The following AMDHD2 variants were observed in gnomAD, a reference collection of about 807,000 sequenced individuals.
AMDHD2 encodes the protein amidohydrolase domain containing 2.
AMDHD2 carries 24 observed loss-of-function variants against 41.8 expected under a neutral mutation model. The observed-to-expected ratio is 0.57, with a 90% confidence interval of 0.42 to 0.81. The LOEUF (loss-of-function observed/expected upper bound fraction) is 0.81, where lower values mean the gene tolerates loss of function less well. Ranked by LOEUF, AMDHD2 falls within the 30% of genes least tolerant of loss-of-function variation. The probability of loss-of-function intolerance (pLI) is 0.00; values close to 1 mark genes in which losing one functional copy is unlikely to be tolerated. For missense variants in AMDHD2, 540 were observed against 588.5 expected (o/e 0.92, Z 0.85); for synonymous variants, 332 against 255.5 (o/e 1.30, Z -2.85).
Position 2,521,084 on chromosome 16 carries a change from C to T in AMDHD2, c.321C>T (p.Cys107=), listed in dbSNP as rs776242266. The T allele has an allele frequency of 1.7e-5, 27 of 1,608,872 alleles. No homozygotes were observed. The highest frequency in any genetic ancestry group is 2.1e-5 in the Non-Finnish European group (25 of 1,176,894). ...RILSHGVTSF[C]PTLVTSPPEV... ...TGTCGCACGGCGTCACCTCCTTCTG[C>T]CCCACCCTGGTCACTTCCCCACCGG... Residue 107 remains cysteine (C), a synonymous_variant, in exon 3 of 11, where the codon TGC becomes TGT. Transcript: ENST00000293971.
Position 2,528,071 on chromosome 16 carries a change from G to A in AMDHD2, c.640G>A (p.Ala214Thr), listed in dbSNP as rs768981382. ...TCCAGGTCCCGCAGGGCACTCAGTG[G>A]CTGACCTGCGGGCGGCAGAGGATGC... ...GICVSLGHSV[A>T]DLRAAEDAVW... Residue 214 changes from alanine to threonine, a missense_variant, in exon 6 of 11, where the codon GCT becomes ACT. Physicochemically the swap from Ala to Thr is moderately conservative, Grantham distance 58. Transcript: ENST00000293971. 1.2e-6 allele frequency: 2 copies of A among 1,612,848 alleles called. No homozygotes were observed. The highest frequency in any genetic ancestry group is 1.1e-5 in the South Asian group (1 of 91,090).
At chr16:2,522,410 C>T (rs567749494) in intron 3 of AMDHD2, among the ~76,000 whole-genome samples, 3 of 152,140 alleles carry the variant, frequency 2.0e-5, no homozygotes, top group South Asian at 2.1e-4. Flanking sequence ...CGGCCGGGCG[C>T]GGTGGCTCAC....
chr16:2,528,221 C>G lies in AMDHD2; in HGVS notation c.718-15C>G. The G allele has an allele frequency of 6.2e-7, 1 of 1,611,960 alleles. No homozygotes were observed. Among genetic ancestry groups the G allele is most frequent in the South Asian group, 1.1e-5 (1 of 91,054 alleles). ...CTGCTGTCGCTCAGCCATCCCTTCCCTCGCCCCTGCCCAGTTCCACCACCG... is the reference window on the plus strand; with the variant it reads ...CTGCTGTCGCTCAGCCATCCCTTCCGTCGCCCCTGCCCAGTTCCACCACCG... On this transcript the variant is annotated splice_polypyrimidine_tract_variant and intron_variant, in intron 6 of 10. Transcript: ENST00000293971.
rs776419367 is a variant in AMDHD2 at position 2,530,800 on chromosome 16, C to T, written c.*1237C>T. On this transcript the variant is annotated 3_prime_UTR_variant, in exon 11 of 11. Coordinates refer to ENST00000293971, the MANE Select transcript of AMDHD2 (RefSeq NM_001330449.2). ...AGGGCACAAGGGGTTGATCTCAGCCCACAAGCCCCAGGGGCAGCCCAGGAA... is the reference window on the plus strand; with the variant it reads ...AGGGCACAAGGGGTTGATCTCAGCCTACAAGCCCCAGGGGCAGCCCAGGAA... The T allele has an allele frequency of 1.5e-5, 25 of 1,613,618 alleles. 1 individual carries two copies. In the South Asian group the frequency reaches 2.1e-4, roughly 13 times the overall value.
In AMDHD2 at chr16:2,529,795, A is replaced by G. The variant is rs1232478039; in HGVS notation, c.*232A>G. ...GCACCATCCTTGGTTGCCCTCCTGG[A>G]GAAGGCATTCACGGCCTGGGGTGGG... On this transcript the variant is annotated 3_prime_UTR_variant, in exon 11 of 11. Transcript: ENST00000293971. 13 of 1,430,020 alleles carry G rather than the reference A, an allele frequency of 9.1e-6. No homozygotes were observed. Among genetic ancestry groups the G allele is most frequent in the Admixed American group, 2.8e-5 (1 of 35,354 alleles). 88.6% of individuals were successfully genotyped at this position (1,430,020 alleles called of 1,614,324 possible).
rs1283857020 is a variant in AMDHD2 at position 2,528,698 on chromosome 16, G to C, written c.1019G>C (p.Arg340Pro). ...ATAGCCCCAATGGACGTCTGTGTCC[G>C]GCACTTCCTGCAGGCCACAGGTCAG... ...GSIAPMDVCVRHFLQATGCSM... is the reference protein window; with the variant it reads ...GSIAPMDVCVPHFLQATGCSM... Residue 340 changes from arginine (R) to proline (P), a missense_variant, in exon 9 of 11, where the codon CGG (arginine) becomes CCG (proline). Coordinates refer to ENST00000293971, the MANE Select transcript of AMDHD2 (RefSeq NM_001330449.2). 1 of 1,612,684 alleles carries C rather than the reference G, an allele frequency of 6.2e-7. No individual in the cohort carries two copies. The highest frequency in any genetic ancestry group is 8.5e-7 in the Non-Finnish European group (1 of 1,179,916).
chr16:2,522,027 G>T (rs563526593), intron 3 of AMDHD2, among the ~76,000 whole-genome samples: 2 of 151,860 alleles, frequency 1.3e-5, no homozygotes, highest in South Asian at 2.1e-4. Flanking sequence ...CTCGTGATCC[G>T]CCCGCCTTGG....
intron 10 of AMDHD2, 80 bp downstream of exon 10, chr16:2,529,175 C>T: frequency 1.5e-6 from 2 of 1,366,848 alleles, no homozygotes; most frequent in South Asian, 3.0e-5. Context: ...CTGGACAGGG[C>T]CAGGGAGGGT....
intron 3 of AMDHD2, among the ~76,000 whole-genome samples, chr16:2,523,976 T>C (rs765492562): frequency 1.3e-5 from 2 of 152,210 alleles, no homozygotes; most frequent in African/African-American, 2.4e-5. Context: ...TCTTCTTCCT[T>C]AGGAAGAGTC....
Position 2,529,673 on chromosome 16 carries a change from C to T in AMDHD2, c.*110C>T, listed in dbSNP as rs1432693418. On this transcript the variant is annotated 3_prime_UTR_variant, in exon 11 of 11. Transcript: ENST00000293971. ...GTCGGGAGCCCTGCTGGATTGATGC[C>T]CAGGGCCTGTGCGGCCGCCCTGGAG... The T allele has an allele frequency of 5.8e-6, 9 of 1,547,476 alleles. No homozygotes were observed. The highest frequency in any genetic ancestry group is 7.0e-6 in the Non-Finnish European group (8 of 1,150,908).
Position 2,527,382 on chromosome 16 carries a change from C to A in AMDHD2, c.361-179C>A, listed in dbSNP as rs2066016983. On this transcript the variant is annotated intron_variant, in intron 3 of 10. Transcript: ENST00000293971. The surrounding 1 kb of genome is among the most constrained non-coding windows in gnomAD (Gnocchi z 6.1). Reference sequence around the variant, plus strand: ...CACCTATCATTTCTTCCTGCTCCTGCCATGGGTCCTTCAATTCTGCCGGCT... The same window carrying A: ...CACCTATCATTTCTTCCTGCTCCTGACATGGGTCCTTCAATTCTGCCGGCT... Among the ~76,000 whole-genome samples the A allele has an allele frequency of 6.6e-6, 1 of 152,204 alleles. No individual in the cohort carries two copies. The highest frequency in any genetic ancestry group is 2.4e-5 in the African/African-American group (1 of 41,446).
intron 3 of AMDHD2, among the ~76,000 whole-genome samples, chr16:2,523,899 C>T (rs145126436): frequency 6.6e-6 from 1 of 152,388 alleles, no homozygotes; most frequent in African/African-American, 2.4e-5. Context: ...CCTTGCCTAC[C>T]TGTCCCCACT....
intron 3 of AMDHD2, among the ~76,000 whole-genome samples, chr16:2,522,780 C>T (rs1399127985): frequency 6.6e-6 from 1 of 151,844 alleles, no homozygotes; most frequent in Admixed American, 6.6e-5. Context: ...TCCCATAGTG[C>T]TGGGATTATA....
At chr16:2,525,012 C>T (rs1317318847) in intron 3 of AMDHD2, among the ~76,000 whole-genome samples, 1 of 151,636 alleles carries the variant, frequency 6.6e-6, no homozygotes, top group Non-Finnish European at 1.5e-5. Context: ...GGCTCTAACC[C>T]AATTCCAGGC....
chr16:2,528,607 G>A (rs774717395), intron 8 of AMDHD2, 43 bp from the exon 9 acceptor site: 15 of 1,612,736 alleles, frequency 9.3e-6, no homozygotes, highest in Admixed American at 1.7e-5. Context: ...CGCATGCCAG[G>A]TGGCCCACGA....
At position 2,529,694 on chromosome 16, in the gene AMDHD2, T is replaced by G; in HGVS notation, c.*131T>G. ...ATGCCCAGGGCCTGTGCGGCCGCCC[T>G]GGAGGCGGTGGCTGGGATAAACGTG... On this transcript the variant is annotated 3_prime_UTR_variant, in exon 11 of 11. Coordinates refer to ENST00000293971, the MANE Select transcript of AMDHD2 (RefSeq NM_001330449.2). The G allele has an allele frequency of 1.3e-6, 2 of 1,493,592 alleles. No individual in the cohort carries two copies. Among genetic ancestry groups the G allele is most frequent in the Non-Finnish European group, 1.8e-6 (2 of 1,122,546 alleles). The allele number at this position is 1,493,592 out of a possible 1,614,324, so 92.5% of individuals were successfully genotyped here.
Position 2,530,833 on chromosome 16 carries a change from GA to G in AMDHD2, c.*1271del. Reference sequence around the variant, plus strand: ...CCAGGGGCAGCCCAGGAAAGCAGGCGACGGATGTGGATCCTGACCTCCTGAG... The same window carrying G: ...CCAGGGGCAGCCCAGGAAAGCAGGCGCGGATGTGGATCCTGACCTCCTGAG... On this transcript the variant is annotated 3_prime_UTR_variant, in exon 11 of 11. Transcript: ENST00000293971. 1 of 1,613,794 alleles carries G rather than the reference GA, an allele frequency of 6.2e-7. No homozygotes were observed. Among genetic ancestry groups the G allele is most frequent in the Non-Finnish European group, 8.5e-7 (1 of 1,179,996 alleles).
In AMDHD2 at chr16:2,530,921, C is replaced by T. The variant is rs933853277; in HGVS notation, c.*1358C>T. 2.5e-6 allele frequency: 4 copies of T among 1,613,366 alleles called. No homozygotes were observed. The highest frequency in any genetic ancestry group is 3.4e-6 in the Non-Finnish European group (4 of 1,179,968). On this transcript the variant is annotated 3_prime_UTR_variant, in exon 11 of 11. Transcript: ENST00000293971. Reference sequence around the variant, plus strand: ...CGGCCGCGCACCCCTTAGGAAGTGGCTGTCCAGCGCCTGCCTGTGCTGGGC... The same window carrying T: ...CGGCCGCGCACCCCTTAGGAAGTGGTTGTCCAGCGCCTGCCTGTGCTGGGC...
Position 2,520,791 on chromosome 16 carries a change from G to A in AMDHD2, c.106G>A (p.Gly36Ser). 1 of 1,605,490 alleles carries A rather than the reference G, an allele frequency of 6.2e-7. No individual in the cohort carries two copies. Among genetic ancestry groups the A allele is most frequent in the Non-Finnish European group, 8.5e-7 (1 of 1,177,564 alleles). Residue 36 changes from glycine (G) to serine (S), a missense_variant, in exon 2 of 11, where the codon GGC becomes AGC. Transcript: ENST00000293971. The part of the protein sequence containing the change: ...LLREDLWVRG[G>S]RILDPEKLFF... ...CAGGGAGGATCTGTGGGTGCGCGGA[G>A]GCCGCATCTTGGACCCAGAGAAGCT...
Sources: allele counts gnomAD v4.1 joint callset (sites outside exome capture counted in the v4.1 genomes callset), GRCh38; gene constraint gnomAD v4.1.1; non-coding constraint Gnocchi (gnomAD v3.1); transcripts MANE v1.5; gene names NCBI Gene and HGNC (gene_info 2026-07-23, HGNC 2026-07-21).